DIP2C: variants seen among roughly 807,000 people sequenced by gnomAD.
The protein encoded by DIP2C is DIP2 acetate--CoA ligase C (putative), also known as disco-interacting protein 2 homolog C.
In DIP2C, 33 loss-of-function variants were observed where a neutral mutation model predicts 192.4. The observed-to-expected ratio is 0.17, with a 90% CI of 0.13 to 0.23. DIP2C has a LOEUF of 0.23. Ranked by LOEUF, DIP2C falls within the 10% of genes least tolerant of loss-of-function variation. The pLI is 1.00. For missense variants in DIP2C, 1,537 were observed against 2,110.1 expected, an observed-to-expected ratio of 0.73 and a Z score of 5.32; for synonymous variants, 979 against 864.1, an observed-to-expected ratio of 1.13 and a Z score of -2.33.
At chr10:378,379 G>T (rs971201352) in intron 17 of DIP2C, among the ~76,000 whole-genome samples, 1 of 152,144 alleles carries the variant, frequency 6.6e-6, no homozygotes, top group Non-Finnish European at 1.5e-5. Flanking sequence ...ACACAAACAC[G>T]AAAACAGGCA....
intron 1 of DIP2C, chr10:630,846 T>C (rs1442439118): frequency 3.9e-5 from 6 of 152,252 alleles, no homozygotes; most frequent in African/African-American, 1.4e-4. Flanking sequence ...CTGGCCGGCA[T>C]CTCCCTGAGA....
At chr10:421,626 G>A (rs905023742) in intron 5 of DIP2C, among the ~76,000 whole-genome samples, 1 of 152,192 alleles carries the variant, frequency 6.6e-6, no homozygotes, top group Non-Finnish European at 1.5e-5. Context: ...CTGAAACTGT[G>A]TTAAACTGAA....
Position 327,157 on chromosome 10 carries a change from G to C in DIP2C, c.3773C>G (p.Ser1258Cys), listed in dbSNP as rs149344283. The C allele has an allele frequency of 1.2e-6, 2 of 1,613,808 alleles. No homozygotes were observed. The highest frequency in any genetic ancestry group is 1.7e-6 in the Non-Finnish European group (2 of 1,180,024). Residue 1258 changes from serine (S) to cysteine (C), a missense_variant, in exon 31 of 37, where the codon TCC becomes TGC. Around this residue, in one of 4 missense-constraint regions of DIP2C, gnomAD observed 341 missense variants for 551.7 expected, o/e 0.62. Transcript: ENST00000280886. ...ESLKARGLDL[S>C]RVRTCVVVAE... ...CACAACCACGCAGGTCCTCACTCGG[G>C]ACAAGTCCAGCCCTCGCGCCTGGAG...
At chr10:589,377 G>A (rs1197819317) in intron 1 of DIP2C, among the ~76,000 whole-genome samples, 1 of 152,114 alleles carries the variant, frequency 6.6e-6, no homozygotes, top group Non-Finnish European at 1.5e-5. Flanking sequence ...TGGATCATTG[G>A]TTATCATGGC....
intron 1 of DIP2C, among the ~76,000 whole-genome samples, chr10:572,840 A>C (rs1206124416): frequency 6.6e-6 from 1 of 152,190 alleles, no homozygotes; most frequent in Non-Finnish European, 1.5e-5. Flanking sequence ...AGACCAGGGC[A>C]GCCAGGAAAC....
At chr10:642,759 T>C (rs1855258996) in intron 1 of DIP2C, among the ~76,000 whole-genome samples, 1 of 152,240 alleles carries the variant, frequency 6.6e-6, no homozygotes, top group South Asian at 2.1e-4. Context: ...CAACCACCCT[T>C]TCAGCCCTTC....
At chr10:417,510 C>T (rs1039913104) in intron 6 of DIP2C, among the ~76,000 whole-genome samples, 12 of 152,228 alleles carry the variant, frequency 7.9e-5, no homozygotes, top group South Asian at 2.1e-4. Context: ...GCAATCAGGG[C>T]GATTTCAAGC....
chr10:507,783 A>C (rs1322374654), intron 1 of DIP2C, among the ~76,000 whole-genome samples: 2 of 152,058 alleles, frequency 1.3e-5, no homozygotes, highest in Admixed American at 6.5e-5. Context: ...CCCATGTCCC[A>C]CCCCATCTGT....
intron 1 of DIP2C, among the ~76,000 whole-genome samples, chr10:562,503 A>T (rs937901409): frequency 6.6e-6 from 1 of 152,216 alleles, no homozygotes; most frequent in African/African-American, 2.4e-5. Context: ...ATCTCTACGA[A>T]ATAGACGAAA....
chr10:399,069 C>A (rs760548823), intron 10 of DIP2C, 40 bp downstream of exon 10: 2 of 1,538,364 alleles, frequency 1.3e-6, no homozygotes, highest in Admixed American at 1.7e-5. Flanking sequence ...TGAAAGCCAT[C>A]TCACTCAGCG....
chr10:338,794 G>A (rs59155863), intron 29 of DIP2C, among the ~76,000 whole-genome samples: 5 of 137,552 alleles, frequency 3.6e-5, no homozygotes, highest in East Asian at 4.3e-4. Flanking sequence ...CCACCTGCAC[G>A]CTGCACCCTG....
intron 1 of DIP2C, among the ~76,000 whole-genome samples, chr10:573,405 T>G (rs1001357615): frequency 1.3e-5 from 2 of 151,956 alleles, no homozygotes; most frequent in African/African-American, 2.4e-5. Flanking sequence ...TTCACCCACA[T>G]GTTATTATCG....
Position 619,541 on chromosome 10 carries a change from G to GCCCGCCCACCCGCCCACCCTCCCA in DIP2C, c.85+69952_85+69953insTGGGAGGGTGGGCGGGTGGGCGGG. ...GGGCCAGGACCAAGCCCGCCCGCCC[G>GCCCGCCCACCCGCCCACCCTCCCA]CCCTCCCACCCAGCTCCTCACGCAC... On this transcript the variant is annotated intron_variant, in intron 1 of 36. Transcript: ENST00000280886. 2.2e-4 allele frequency among the ~76,000 whole-genome samples: 15 copies of GCCCGCCCACCCGCCCACCCTCCCA among 67,962 alleles called. 1 individual carries two copies. The highest frequency in any genetic ancestry group is 4.5e-4 in the African/African-American group (13 of 29,022). The allele number at this position is 67,962 out of a possible 152,430, so 44.6% of individuals were successfully genotyped here.
chr10:619,552 CA>C (rs1853730384), intron 1 of DIP2C, among the ~76,000 whole-genome samples: 1 of 136,962 alleles, frequency 7.3e-6, no homozygotes, highest in African/African-American at 2.8e-5. Context: ...CCCTCCCACC[CA>C]GCTCCTCACG....
rs755133576 is a variant in DIP2C at position 387,733 on chromosome 10, G to T, written c.1662+12C>A. The stretch of plus-strand genomic sequence containing the variant: ...CTTTGTGGACAGACACGGCCGGGGG[G>T]ACCTCACTTACTGTCAGGATGCCAT... On this transcript the variant is annotated intron_variant, in intron 14 of 36. Coordinates refer to ENST00000280886, the MANE Select transcript of DIP2C (RefSeq NM_014974.3). 3 of 1,613,836 alleles carry T rather than the reference G, an allele frequency of 1.9e-6. No homozygotes were observed. The highest frequency in any genetic ancestry group is 2.2e-5 in the South Asian group (2 of 91,062).
chr10:284,761 A>C lies in DIP2C; in HGVS notation c.4120-1315T>G, dbSNP rs118099662. Among the ~76,000 whole-genome samples the C allele has an allele frequency of 2.0e-5, 3 of 152,166 alleles. No individual in the cohort carries two copies. In the East Asian group the frequency reaches 5.8e-4, roughly 29 times the overall value. ...TGTTCTCATCACACACACACACACAATGTGAGCTGATGGATAATAGAACTC... is the reference window on the plus strand; with the variant it reads ...TGTTCTCATCACACACACACACACACTGTGAGCTGATGGATAATAGAACTC... On this transcript the variant is annotated intron_variant, in intron 34 of 36. Transcript: ENST00000280886.
At chr10:612,728 C>CAATTTACACAAAAAGGTCCT (rs1853179019) in intron 1 of DIP2C, among the ~76,000 whole-genome samples, 1 of 152,136 alleles carries the variant, frequency 6.6e-6, no homozygotes, top group African/African-American at 2.4e-5. Context: ...CTCTGTGGCC[C>CAATTTACACAAAAAGGTCCT]AATTTACACA....
At chr10:680,041 G>A (rs1469277186) in intron 1 of DIP2C, among the ~76,000 whole-genome samples, 1 of 152,188 alleles carries the variant, frequency 6.6e-6, no homozygotes, top group Non-Finnish European at 1.5e-5. Flanking sequence ...CTGAGGTGGG[G>A]AGGGATGGGC....
intron 4 of DIP2C, among the ~76,000 whole-genome samples, chr10:425,695 GAAGTA>G (rs1966551502): frequency 6.6e-6 from 1 of 151,688 alleles, no homozygotes; most frequent in Non-Finnish European, 1.5e-5. Flanking sequence ...GCGGTGACTA[GAAGTA>G]AATACCAGAG....
Sources: gnomAD v4.1 joint callset for allele counts (sites outside exome capture counted in the v4.1 genomes callset) on GRCh38, gnomAD v4.1.1 for gene constraint, gnomAD v4.1.1 regional missense constraint, MANE v1.5 for transcripts, NCBI Gene and HGNC (gene_info 2026-07-23, HGNC 2026-07-21) for gene names.